TMEM63A: variants seen among roughly 807,000 people sequenced by gnomAD.
TMEM63A encodes the protein transmembrane protein 63A.
A neutral mutation model predicts 100.6 loss-of-function variants in TMEM63A; 76 were observed. That is an observed-to-expected ratio of 0.76 (90% CI 0.63 to 0.91). TMEM63A has a LOEUF of 0.91. Among genes scored for constraint, TMEM63A ranks in the 40% least tolerant of loss-of-function variants. The pLI is 0.00. For synonymous variants in TMEM63A, 401 were observed against 401.1 expected (o/e 1.00, Z 0.00); for missense variants, 876 against 1,008.8 (o/e 0.87, Z 1.78).
At chr1:225,852,800 G>T in intron 19 of TMEM63A, 31 bp from the exon 20 acceptor site, 1 of 1,595,430 alleles carries the variant, frequency 6.3e-7, no homozygotes, top group South Asian at 1.1e-5. Flanking sequence ...GGAGCTCATG[G>T]ACTTGTTCCA....
intron 15 of TMEM63A, among the ~76,000 whole-genome samples, chr1:225,858,007 C>A (rs1669727357): frequency 6.6e-6 from 1 of 152,132 alleles, no homozygotes; most frequent in Non-Finnish European, 1.5e-5. Context: ...AGCCTCACGC[C>A]CTGTATAATA....
chr1:225,877,376 G>A lies in TMEM63A; in HGVS notation c.186+19C>T, dbSNP rs754188195. On this transcript the variant is annotated intron_variant, in intron 3 of 24. Coordinates refer to ENST00000366835, the MANE Select transcript of TMEM63A (RefSeq NM_014698.3). ...ACAAATAACTGAGGCAGTGGGACAC[G>A]ACTCATGAGGGCTCTCACCAGGAAG... 31 of 1,597,368 alleles carry A rather than the reference G, an allele frequency of 1.9e-5. No individual in the cohort carries two copies. The highest frequency in any genetic ancestry group is 6.7e-5 in the Admixed American group (4 of 59,280).
chr1:225,852,897 G>A lies in TMEM63A; in HGVS notation c.1798-128C>T, dbSNP rs118009573. On this transcript the variant is annotated intron_variant, in intron 19 of 24. Transcript: ENST00000366835. Reference sequence around the variant, plus strand: ...GGAAATAGGAGATGCGTGGCTCCCCGCCTCCCAAGGTCCTTCCCATCCCTC... The same window carrying A: ...GGAAATAGGAGATGCGTGGCTCCCCACCTCCCAAGGTCCTTCCCATCCCTC... 9.3e-4 allele frequency: 700 copies of A among 755,568 alleles called. 3 individuals carry two copies. In the East Asian group the frequency reaches 0.016, roughly 17 times the overall value. The allele number at this position is 755,568 out of a possible 1,614,324, so 46.8% of individuals were successfully genotyped here. A position where few individuals can be genotyped will look rare whatever the true frequency, so the allele number is the denominator to read the frequency against.
chr1:225,865,744 T>C lies in TMEM63A; in HGVS notation c.746+153A>G. 3 of 718,852 alleles carry C rather than the reference T, an allele frequency of 4.2e-6. No individual in the cohort carries two copies. The highest frequency in any genetic ancestry group is 4.7e-6 in the Non-Finnish European group (2 of 426,852). 44.5% of individuals were successfully genotyped at this position (718,852 alleles called of 1,614,324 possible). On this transcript the variant is annotated intron_variant, in intron 10 of 24. Coordinates refer to ENST00000366835, the MANE Select transcript of TMEM63A (RefSeq NM_014698.3). The surrounding 1 kb of genome is among the most constrained non-coding windows in gnomAD (Gnocchi z 4.6). ...GGGCTGGCACACAGGAGCCACTCCATACACGTGTGGCAGGGCCAGGTCCTT... is the reference window on the plus strand; with the variant it reads ...GGGCTGGCACACAGGAGCCACTCCACACACGTGTGGCAGGGCCAGGTCCTT...
At chr1:225,845,328 C>T (rs377404367), downstream of TMEM63A, 17 of 1,611,180 alleles carry the variant, frequency 1.1e-5, no homozygotes, top group African/African-American at 5.3e-5. Context: ...AAGTTCCTGT[C>T]GGTGCTGGAG....
At chr1:225,866,985 T>C in intron 8 of TMEM63A, 127 bp downstream of exon 8, 1 of 961,234 alleles carries the variant, frequency 1.0e-6, no homozygotes, top group African/African-American at 1.6e-5. Context: ...AACAACTCAC[T>C]AGCTGCAAGG....
intron 3 of TMEM63A, among the ~76,000 whole-genome samples, chr1:225,875,195 G>A (rs79298543): frequency 0.051 from 7,804 of 152,268 alleles, 561 homozygotes; most frequent in African/African-American, 0.16. Flanking sequence ...AAGGCACCAC[G>A]AGAACCTGTG....
chr1:225,867,060 C>G lies in TMEM63A; in HGVS notation c.566+52G>C. The G allele has an allele frequency of 6.2e-7, 1 of 1,606,372 alleles. No individual in the cohort carries two copies. The highest frequency in any genetic ancestry group is 8.5e-7 in the Non-Finnish European group (1 of 1,173,000). ...GGCCTGCCCCGGGCTCCTGACCTGC[C>G]TTCTCCTTGATCTCACCCATCAGCA... is the stretch of plus-strand genomic sequence containing the variant. On this transcript the variant is annotated intron_variant, in intron 8 of 24. Coordinates refer to ENST00000366835, the MANE Select transcript of TMEM63A (RefSeq NM_014698.3). This position sits in a 1 kb window ranked among gnomAD's most constrained non-coding sequence, Gnocchi z 4.6.
At position 225,865,596 on chromosome 1, in the gene TMEM63A, T is replaced by G. The variant is rs141171561; in HGVS notation, c.746+301A>C. 6.6e-6 allele frequency: 2 copies of G among 304,792 alleles called. No individual in the cohort carries two copies. The highest frequency in any genetic ancestry group is 5.9e-5 in the South Asian group (1 of 16,918). 18.9% of individuals were successfully genotyped at this position (304,792 alleles called of 1,614,324 possible). A position where few individuals can be genotyped will look rare whatever the true frequency, so the allele number is the denominator to read the frequency against. ...TAAGAACCCCGGGGTCAACAATTTT[T>G]TCCCCCGTATGCTCTCAAGACGTTT... On this transcript the variant is annotated intron_variant, in intron 10 of 24. Coordinates refer to ENST00000366835, the MANE Select transcript of TMEM63A (RefSeq NM_014698.3). This position sits in a 1 kb window ranked among gnomAD's most constrained non-coding sequence, Gnocchi z 4.6.
chr1:225,862,870 G>T lies in TMEM63A; in HGVS notation c.747-19C>A, dbSNP rs373404058. ...CGCGTCCCTGTGGCCAGGGAGAGAA[G>T]GAGGCAAAAGACACCGTTGGAAAAG... On this transcript the variant is annotated intron_variant, in intron 10 of 24. Transcript: ENST00000366835. This position sits in a 1 kb window ranked among gnomAD's most constrained non-coding sequence, Gnocchi z 5.1. The T allele has an allele frequency of 6.2e-7, 1 of 1,612,510 alleles. No individual in the cohort carries two copies. The highest frequency in any genetic ancestry group is 1.3e-5 in the African/African-American group (1 of 74,752).
intron 6 of TMEM63A, among the ~76,000 whole-genome samples, chr1:225,870,362 A>AAC (rs1553492704): frequency 1.3e-5 from 2 of 151,480 alleles, no homozygotes; most frequent in African/African-American, 4.8e-5. Flanking sequence ...GAAAAAAAAA[A>AAC]AAACATGCAT....
At position 225,862,556 on chromosome 1, in the gene TMEM63A, T is replaced by C; in HGVS notation, c.850A>G (p.Thr284Ala). 1 of 1,613,864 alleles carries C rather than the reference T, an allele frequency of 6.2e-7. No individual in the cohort carries two copies. Among genetic ancestry groups the C allele is most frequent in the Non-Finnish European group, 8.5e-7 (1 of 1,179,962 alleles). ...KEKKKTEKSL[T>A]YYTNLQVKTG... The stretch of plus-strand genomic sequence containing the variant: ...TTCACCTGCAGGTTTGTGTAATAGG[T>C]CAGGCTCTTCTCAGTCTTCTTTCTG... The change falls in exon 12 of 25, where the codon ACC becomes GCC. Residue 284 changes from threonine (T) to alanine (A), a missense_variant. This residue lies in a region of TMEM63A where 487 missense variants were observed against 581.9 expected (regional missense o/e 0.84). Coordinates refer to ENST00000366835, the MANE Select transcript of TMEM63A (RefSeq NM_014698.3). This position sits in a 1 kb window ranked among gnomAD's most constrained non-coding sequence, Gnocchi z 5.1.
chr1:225,858,862 A>T (rs1030970820), intron 15 of TMEM63A, among the ~76,000 whole-genome samples: 1 of 152,048 alleles, frequency 6.6e-6, no homozygotes, highest in Admixed American at 6.5e-5. Flanking sequence ...AATATACCAC[A>T]TTCAACTCAA....
chr1:225,859,446 A>T, intron 14 of TMEM63A, 97 bp from the exon 15 acceptor site: 1 of 1,465,100 alleles, frequency 6.8e-7, no homozygotes, highest in South Asian at 1.3e-5. Context: ...CCAAGAGACT[A>T]GCCTGGGGGC....
chr1:225,868,279 T>C (rs866764303), intron 6 of TMEM63A, among the ~76,000 whole-genome samples: 23 of 152,250 alleles, frequency 1.5e-4, no homozygotes, highest in Admixed American at 3.9e-4. Context: ...CAGCACTCCA[T>C]CTGATGTTGC....
chr1:225,852,625 G>A (rs943074043), intron 20 of TMEM63A, 39 bp downstream of exon 20: 4 of 1,595,692 alleles, frequency 2.5e-6, no homozygotes, highest in African/African-American at 2.7e-5. Flanking sequence ...AGCCGTCCAT[G>A]TACCCATGTA....
Position 225,847,054 on chromosome 1 carries a change from G to GGGCA in TMEM63A, c.2406_2409dup (p.Pro804CysfsTer109), listed in dbSNP as rs1391619679. ...CTCACCCAGCCTCAGGCCTCCTGGG[G>GGGCA]GGCAGCAGCCACACTGCCCGTGGCG... is the stretch of plus-strand genomic sequence containing the variant. On this transcript the variant is annotated frameshift_variant, in exon 24 of 25. Transcript: ENST00000366835. LOFTEE classifies it high-confidence loss of function. 6.2e-7 allele frequency: 1 copy of GGGCA among 1,611,432 alleles called. No homozygotes were observed. Among genetic ancestry groups the GGGCA allele is most frequent in the Non-Finnish European group, 8.5e-7 (1 of 1,178,978 alleles).
chr1:225,876,470 C>T (rs1670808005), intron 3 of TMEM63A, among the ~76,000 whole-genome samples: 3 of 152,164 alleles, frequency 2.0e-5, no homozygotes, highest in Admixed American at 2.0e-4. Flanking sequence ...CTGGCCAGCC[C>T]ATGGCATTTG....
chr1:225,868,326 G>T (rs901844240), intron 6 of TMEM63A, among the ~76,000 whole-genome samples: 5 of 152,090 alleles, frequency 3.3e-5, no homozygotes, highest in Admixed American at 2.6e-4. Context: ...GTGTGGGAAA[G>T]GTACGTAAAT....
Sources: allele counts gnomAD v4.1 joint callset (sites outside exome capture counted in the v4.1 genomes callset), GRCh38; gene constraint gnomAD v4.1.1; regional missense constraint gnomAD v4.1.1; non-coding constraint Gnocchi (gnomAD v3.1); transcripts MANE v1.5; gene names NCBI Gene and HGNC (gene_info 2026-07-23, HGNC 2026-07-21).